Variants in KAZN observed in about 807,000 individuals in gnomAD.
KAZN encodes the protein kazrin.
KAZN carries 40 observed loss-of-function variants against 87.4 expected under a neutral mutation model. That is an observed-to-expected ratio of 0.46 (90% CI 0.36 to 0.60). The LOEUF (loss-of-function observed/expected upper bound fraction) is 0.60, where lower values mean the gene tolerates loss of function less well. Among genes scored for constraint, KAZN ranks in the 20% least tolerant of loss-of-function variants. KAZN has a pLI of 0.00. For synonymous variants in KAZN, 466 were observed against 458.3 expected (o/e 1.02, Z -0.22); for missense variants, 898 against 1,073.9 (o/e 0.84, Z 2.29).
chr1:14,980,474 G>A (rs561096301), intron 2 of KAZN, among the ~76,000 whole-genome samples: 16 of 152,288 alleles, frequency 1.1e-4, no homozygotes, highest in Non-Finnish European at 1.8e-4. Flanking sequence ...TTCGTGCTAC[G>A]CGCAGGTGAC....
rs3085672 is a variant in KAZN at position 14,340,888 on chromosome 1, C to CT, written c.249+160313dup. ...ATCTCCGTAAGGGTCATGATTTTCC[C>CT]TTTTTTTTTTTTTTTTTGAGATGGA... is the stretch of plus-strand genomic sequence containing the variant. On this transcript the variant is annotated intron_variant, in intron 2 of 16. Transcript: ENST00000636203. Among the ~76,000 whole-genome samples, 176 of 103,144 alleles carry CT rather than the reference C, an allele frequency of 1.7e-3. 5 individuals are homozygous for CT. Among genetic ancestry groups the CT allele is most frequent in the Middle Eastern group, 6.9e-3 (1 of 144 alleles). 67.7% of individuals were successfully genotyped at this position (103,144 alleles called of 152,430 possible).
At chr1:13,976,027 G>A (rs1171461865) in intron 1 of KAZN, among the ~76,000 whole-genome samples, 1 of 152,152 alleles carries the variant, frequency 6.6e-6, no homozygotes, top group Non-Finnish European at 1.5e-5. Flanking sequence ...AGATGCCTGG[G>A]TGATTTTTCT....
chr1:14,734,644 G>A (rs1643836652), intron 1 of KAZN, among the ~76,000 whole-genome samples: 1 of 152,198 alleles, frequency 6.6e-6, no homozygotes, highest in Admixed American at 6.5e-5. Context: ...GGTCCCCTGT[G>A]ATGCGGATGC....
At chr1:14,315,871 A>T (rs542340205) in intron 2 of KAZN, among the ~76,000 whole-genome samples, 2 of 151,822 alleles carry the variant, frequency 1.3e-5, no homozygotes, top group Non-Finnish European at 2.9e-5. Context: ...TTCATGTACA[A>T]GTCTTTGTAT....
At chr1:14,521,327 G>A (rs1038770504) in intron 2 of KAZN, among the ~76,000 whole-genome samples, 3 of 152,200 alleles carry the variant, frequency 2.0e-5, no homozygotes, top group Admixed American at 6.5e-5. Flanking sequence ...CGCCCTCACT[G>A]CATTTATGCC....
intron 1 of KAZN, among the ~76,000 whole-genome samples, chr1:13,941,508 G>A (rs576346718): frequency 6.6e-6 from 1 of 152,200 alleles, no homozygotes; most frequent in South Asian, 2.1e-4. Flanking sequence ...GGCAAGTCAA[G>A]TCAGGGGTGG....
chr1:13,905,457 G>T (rs534676331), intron 1 of KAZN, among the ~76,000 whole-genome samples: 1 of 152,176 alleles, frequency 6.6e-6, no homozygotes, highest in African/African-American at 2.4e-5. Context: ...TATTAAGGGA[G>T]ATCACTCTCA....
chr1:13,994,371 A>G (rs1639415553), intron 1 of KAZN, among the ~76,000 whole-genome samples: 1 of 152,260 alleles, frequency 6.6e-6, no homozygotes, highest in Non-Finnish European at 1.5e-5. Flanking sequence ...AAGTTGACTC[A>G]TGTCTTTTGC....
intron 1 of KAZN, among the ~76,000 whole-genome samples, chr1:14,101,444 T>C (rs1300933011): frequency 6.6e-6 from 1 of 152,082 alleles, no homozygotes; most frequent in African/African-American, 2.4e-5. Context: ...AGCAATAAAG[T>C]AGTGAAGGAG....
chr1:15,043,582 CCCA>C (rs1480496345), intron 3 of KAZN, among the ~76,000 whole-genome samples: 1 of 150,722 alleles, frequency 6.6e-6, no homozygotes, highest in East Asian at 1.9e-4. Flanking sequence ...CCACGGCTTT[CCCA>C]CCACAGAGCC....
chr1:14,396,951 T>C (rs984336759), intron 2 of KAZN, among the ~76,000 whole-genome samples: 2 of 152,016 alleles, frequency 1.3e-5, no homozygotes, highest in African/African-American at 2.4e-5. Context: ...TAAAGTGAGA[T>C]CTATAGAAAG....
At chr1:14,730,196 G>T (rs567600772) in intron 1 of KAZN, among the ~76,000 whole-genome samples, 2 of 151,998 alleles carry the variant, frequency 1.3e-5, no homozygotes, top group Non-Finnish European at 2.9e-5. Context: ...CGATTCTCCC[G>T]CCTCAGCCTC....
intron 2 of KAZN, among the ~76,000 whole-genome samples, chr1:14,252,218 T>C (rs934880732): frequency 6.6e-6 from 1 of 152,206 alleles, no homozygotes; most frequent in Non-Finnish European, 1.5e-5. Context: ...GTCTTCTCCA[T>C]TTGGTTTCTG....
chr1:14,540,748 A>G (rs1269033234), intron 2 of KAZN, among the ~76,000 whole-genome samples: 1 of 152,248 alleles, frequency 6.6e-6, no homozygotes, highest in Non-Finnish European at 1.5e-5. Flanking sequence ...TAGGTTAAGC[A>G]TGCAGAGGTT....
At chr1:14,740,236 C>G (rs1644047152) in intron 1 of KAZN, among the ~76,000 whole-genome samples, 1 of 152,160 alleles carries the variant, frequency 6.6e-6, no homozygotes, top group African/African-American at 2.4e-5. Flanking sequence ...CACGTAAGAG[C>G]TCCAGAGACA....
chr1:14,724,558 A>C (rs1006764016), intron 1 of KAZN, among the ~76,000 whole-genome samples: 1 of 152,260 alleles, frequency 6.6e-6, no homozygotes, highest in African/African-American at 2.4e-5. Context: ...AATCTAAAAA[A>C]TTAAACCAAT....
At chr1:14,892,768 G>T (rs947038012) in intron 1 of KAZN, among the ~76,000 whole-genome samples, 1 of 152,142 alleles carries the variant, frequency 6.6e-6, no homozygotes, top group African/African-American at 2.4e-5. Context: ...GGCTGTGGGG[G>T]CCTCCTGCAG....
chr1:14,561,001 A>G (rs1674222171), intron 2 of KAZN, among the ~76,000 whole-genome samples: 1 of 152,166 alleles, frequency 6.6e-6, no homozygotes, highest in African/African-American at 2.4e-5. Flanking sequence ...GGGTCCCACC[A>G]TTAACACAAG....
chr1:14,699,919 C>A (rs575180974), intron 1 of KAZN, among the ~76,000 whole-genome samples: 1 of 151,994 alleles, frequency 6.6e-6, no homozygotes, highest in African/African-American at 2.4e-5. Context: ...GCCCGACACT[C>A]ACTAGAGTGG....
Sources: gnomAD v4.1 joint callset for allele counts (sites outside exome capture counted in the v4.1 genomes callset) on GRCh38, gnomAD v4.1.1 for gene constraint, MANE v1.5 for transcripts, NCBI Gene and HGNC (gene_info 2026-07-23, HGNC 2026-07-21) for gene names.